The following TLN2 variants were observed in gnomAD, a reference collection of about 807,000 sequenced individuals.
The protein encoded by TLN2 is talin 2.
A neutral mutation model predicts 294.7 loss-of-function variants in TLN2; 118 were observed. That is an observed-to-expected ratio of 0.40 (90% CI 0.34 to 0.47). The LOEUF is 0.47. Among genes scored for constraint, TLN2 ranks in the 20% least tolerant of loss-of-function variants. TLN2 has a pLI of 0.84. For synonymous variants in TLN2, 1,431 were observed against 1,304.5 expected (o/e 1.10, Z -2.09); for missense variants, 3,083 against 3,282.2 (o/e 0.94, Z 1.48).
At chr15:62,752,256 G>A (rs201372065) in intron 34 of TLN2, 49 bp from the exon 35 acceptor site, 1 of 1,605,382 alleles carries the variant, frequency 6.2e-7, no homozygotes, top group Non-Finnish European at 8.5e-7. Context: ...TTACCCCTTG[G>A]TTTGAGGCAA....
In TLN2 at chr15:62,761,827, G is replaced by C. The variant is rs1181720304; in HGVS notation, c.4779+6G>C. 2 of 1,613,884 alleles carry C rather than the reference G, an allele frequency of 1.2e-6. No individual in the cohort carries two copies. Among genetic ancestry groups the C allele is most frequent in the African/African-American group, 2.7e-5 (2 of 74,892 alleles). On this transcript the variant is annotated splice_donor_region_variant and intron_variant, in intron 38 of 58. Transcript: ENST00000636159. Reference sequence around the variant, plus strand: ...CTGCCCAGATCAGCTCCGAGGTAGGGAGTGTTTACAGGAACATCATACTAA... The same window carrying C: ...CTGCCCAGATCAGCTCCGAGGTAGGCAGTGTTTACAGGAACATCATACTAA...
chr15:62,541,426 G>T (rs1277005983), intron 1 of TLN2, among the ~76,000 whole-genome samples: 1 of 152,142 alleles, frequency 6.6e-6, no homozygotes, highest in East Asian at 1.9e-4. Flanking sequence ...TTGCCTTGTG[G>T]ATTTTGGACA....
chr15:62,775,104 C>G (rs913855327), intron 42 of TLN2, among the ~76,000 whole-genome samples: 5 of 151,864 alleles, frequency 3.3e-5, no homozygotes, highest in African/African-American at 9.7e-5. Flanking sequence ...CTACAGGCGC[C>G]CGCCACCACA....
At chr15:62,574,698 T>C (rs1028009913) in intron 1 of TLN2, among the ~76,000 whole-genome samples, 3 of 151,148 alleles carry the variant, frequency 2.0e-5, no homozygotes, top group Admixed American at 6.6e-5. Context: ...CATTCCAGAC[T>C]TGAACTTTAG....
At chr15:62,752,519 A>T in intron 35 of TLN2, 92 bp downstream of exon 35, 1 of 1,530,748 alleles carries the variant, frequency 6.5e-7, no homozygotes, top group Admixed American at 2.0e-5. Context: ...TTCTCCAAGT[A>T]CCACCACAGA....
chr15:62,780,483 T>A (rs1043835069), intron 43 of TLN2, among the ~76,000 whole-genome samples: 9 of 152,218 alleles, frequency 5.9e-5, no homozygotes, highest in African/African-American at 2.2e-4. Flanking sequence ...GAAACACATT[T>A]TGAATACAAA....
intron 1 of TLN2, among the ~76,000 whole-genome samples, chr15:62,583,085 G>A (rs59497235): frequency 6.6e-6 from 1 of 152,228 alleles, no homozygotes; most frequent in African/African-American, 2.4e-5. Context: ...ATGGAGTTTA[G>A]CAAAAACATT....
chr15:62,740,551 A>G (rs1246611724), intron 31 of TLN2, 79 bp from the exon 32 acceptor site: 14 of 1,583,862 alleles, frequency 8.8e-6, no homozygotes, highest in Non-Finnish European at 1.2e-5. Flanking sequence ...GCATGTCAGG[A>G]TGCTGCTCCT....
At chr15:62,798,497 G>A (rs1053868848) in intron 48 of TLN2, among the ~76,000 whole-genome samples, 4 of 151,630 alleles carry the variant, frequency 2.6e-5, no homozygotes, top group Non-Finnish European at 4.4e-5. Flanking sequence ...AACAAAAGTC[G>A]CTAATAAATG....
intron 1 of TLN2, among the ~76,000 whole-genome samples, chr15:62,458,591 C>T (rs191926360): frequency 9.1e-6 from 1 of 109,868 alleles, no homozygotes; most frequent in Non-Finnish European, 1.8e-5. Context: ...CATGGCAAAA[C>T]CTCGTCTCTA....
intron 1 of TLN2, among the ~76,000 whole-genome samples, chr15:62,512,215 C>G (rs1016465008): frequency 6.6e-6 from 1 of 152,148 alleles, no homozygotes; most frequent in Non-Finnish European, 1.5e-5. Context: ...TGGTTTGGAT[C>G]TGCCACAGGA....
chr15:62,794,375 C>T (rs1378393760), intron 46 of TLN2, among the ~76,000 whole-genome samples: 1 of 152,200 alleles, frequency 6.6e-6, no homozygotes, highest in African/African-American at 2.4e-5. Flanking sequence ...CATGACTTGT[C>T]TGCCTTTGTG....
At chr15:62,511,071 T>C (rs923488530) in intron 1 of TLN2, among the ~76,000 whole-genome samples, 6 of 152,262 alleles carry the variant, frequency 3.9e-5, no homozygotes, top group Admixed American at 2.6e-4. Context: ...AAGTCGTCTT[T>C]CTGTCTTCAC....
At chr15:62,832,098 A>AAT (rs1043123507) in intron 54 of TLN2, 6 of 136,848 alleles carry the variant, frequency 4.4e-5, no homozygotes, top group African/African-American at 1.6e-4. Context: ...AGATAATTCC[A>AAT]ATATACGATC....
intron 1 of TLN2, among the ~76,000 whole-genome samples, chr15:62,496,975 C>T (rs1349449788): frequency 2.6e-5 from 4 of 152,186 alleles, no homozygotes; most frequent in African/African-American, 7.2e-5. Flanking sequence ...AAGTAGTCTC[C>T]AGTCGTGCCT....
chr15:62,519,382 G>C (rs932671211), intron 1 of TLN2, among the ~76,000 whole-genome samples: 1 of 152,168 alleles, frequency 6.6e-6, no homozygotes, highest in Non-Finnish European at 1.5e-5. Flanking sequence ...TTTTCTGTTA[G>C]TGTTCACACC....
At chr15:62,774,459 T>C (rs990520197) in intron 42 of TLN2, among the ~76,000 whole-genome samples, 5 of 152,170 alleles carry the variant, frequency 3.3e-5, no homozygotes, top group South Asian at 2.1e-4. Flanking sequence ...ACTGTGTCTT[T>C]GGGTATCTGA....
chr15:62,752,280 A>G lies in TLN2; in HGVS notation c.4210-25A>G, dbSNP rs1460820336. 5 of 1,613,042 alleles carry G rather than the reference A, an allele frequency of 3.1e-6. No individual in the cohort carries two copies. In the African/African-American group the frequency reaches 4.0e-5, roughly 13 times the overall value. The stretch of plus-strand genomic sequence containing the variant: ...GGTTTGAGGCAATGCTGGATAGAGA[A>G]TGTTGCTGGCCGTTTGTTTTGCAGG... On this transcript the variant is annotated intron_variant, in intron 34 of 58. Coordinates refer to ENST00000636159, the MANE Select transcript of TLN2 (RefSeq NM_015059.3).
intron 1 of TLN2, among the ~76,000 whole-genome samples, chr15:62,560,902 G>C (rs994250606): frequency 6.6e-6 from 1 of 152,250 alleles, no homozygotes; most frequent in Non-Finnish European, 1.5e-5. Context: ...AGGAGGCAAC[G>C]AGGGTGCTGC....
Sources: allele counts gnomAD v4.1 joint callset (sites outside exome capture counted in the v4.1 genomes callset), GRCh38; gene constraint gnomAD v4.1.1; transcripts MANE v1.5; gene names NCBI Gene and HGNC (gene_info 2026-07-23, HGNC 2026-07-21).